The following LAMC1 variants were observed in gnomAD, a reference collection of about 807,000 sequenced individuals.
The protein encoded by LAMC1 is laminin subunit gamma-1.
LAMC1 carries 38 observed loss-of-function variants against 173.6 expected under a neutral mutation model. The observed-to-expected ratio is 0.22, with a 90% CI of 0.17 to 0.29. The LOEUF (loss-of-function observed/expected upper bound fraction) is 0.29. LAMC1 is among the 10% of genes least tolerant of loss of function. The pLI is 1.00. For synonymous variants in LAMC1, 746 were observed against 749.1 expected (o/e 1.00, Z 0.07); for missense variants, 1,824 against 2,051.8 (o/e 0.89, Z 2.14).
intron 18 of LAMC1, among the ~76,000 whole-genome samples, chr1:183,129,503 C>T (rs1031021578): frequency 6.6e-6 from 1 of 152,000 alleles, no homozygotes; most frequent in Non-Finnish European, 1.5e-5. Flanking sequence ...AGCCAAGTTC[C>T]AAGTTGGTTT....
intron 1 of LAMC1, among the ~76,000 whole-genome samples, chr1:183,048,218 T>C (rs756348793): frequency 1.3e-5 from 2 of 152,354 alleles, no homozygotes; most frequent in East Asian, 3.9e-4. Flanking sequence ...CCTTGTTTCT[T>C]CTTACGGAAC....
intron 1 of LAMC1, among the ~76,000 whole-genome samples, chr1:183,086,675 T>C (rs1244565051): frequency 1.3e-5 from 2 of 152,192 alleles, no homozygotes; most frequent in Admixed American, 1.3e-4. Flanking sequence ...TATTATTCAT[T>C]GCAAATTATT....
chr1:183,085,709 A>G (rs576026428), intron 1 of LAMC1, among the ~76,000 whole-genome samples: 1 of 152,210 alleles, frequency 6.6e-6, no homozygotes, highest in Non-Finnish European at 1.5e-5. Context: ...ATTTGTCCTT[A>G]TAGGCTCCGT....
chr1:183,027,572 A>G (rs1653722183), intron 1 of LAMC1, among the ~76,000 whole-genome samples: 1 of 152,186 alleles, frequency 6.6e-6, no homozygotes. Flanking sequence ...TAAGGAAAAG[A>G]GTGCTTATAA....
At chr1:183,121,636 G>T in intron 11 of LAMC1, 87 bp from the exon 12 acceptor site, 1 of 1,140,494 alleles carries the variant, frequency 8.8e-7, no homozygotes, top group South Asian at 1.6e-5. Context: ...GGAATTTGGG[G>T]TCTAGTTACT....
rs1022092895 is a variant in LAMC1, at chr1:183,128,164, G to A, written c.3124-430G>A. On this transcript the variant is annotated intron_variant, in intron 17 of 27. Transcript: ENST00000258341. ...AATAGAGGTAAGAGGTATAATTTTG[G>A]ATGTTAAGTTTGAGATACCTATCAG... 2.6e-5 allele frequency among the ~76,000 whole-genome samples: 4 copies of A among 152,294 alleles called. No individual in the cohort carries two copies. The South Asian group carries it at 8.3e-4, about 32-fold the overall frequency.
intron 25 of LAMC1, among the ~76,000 whole-genome samples, 184 bp from the exon 26 acceptor site, chr1:183,137,485 T>TA (rs1656977741): frequency 9.4e-6 from 1 of 106,814 alleles, no homozygotes; most frequent in South Asian, 3.7e-4. Flanking sequence ...ATGTGGGTAG[T>TA]AATTTTTTTT....
intron 1 of LAMC1, among the ~76,000 whole-genome samples, chr1:183,059,698 G>A (rs1192621670): frequency 2.6e-5 from 4 of 152,108 alleles, no homozygotes; most frequent in Non-Finnish European, 4.4e-5. Flanking sequence ...TTATAAGATA[G>A]GTAAAACAGA....
intron 1 of LAMC1, among the ~76,000 whole-genome samples, chr1:183,046,813 A>G (rs1057412131): frequency 2.0e-5 from 3 of 152,138 alleles, no homozygotes; most frequent in Admixed American, 6.5e-5. Context: ...TTAGAACAAT[A>G]TACAGAATAC....
intron 1 of LAMC1, among the ~76,000 whole-genome samples, chr1:183,043,276 C>T (rs568636132): frequency 2.0e-4 from 31 of 152,142 alleles, no homozygotes; most frequent in Admixed American, 1.7e-3. Context: ...AAAATGTATT[C>T]GTACGAAACA....
At chr1:183,132,918 T>A (rs2102106176) in intron 21 of LAMC1, among the ~76,000 whole-genome samples, 1 of 152,238 alleles carries the variant, frequency 6.6e-6, no homozygotes, top group East Asian at 1.9e-4. Flanking sequence ...CTTTTTTTTG[T>A]TGTTTTTGTG....
At chr1:183,110,363 T>G in intron 3 of LAMC1, 125 bp from the exon 4 acceptor site, 1 of 662,632 alleles carries the variant, frequency 1.5e-6, no homozygotes. Flanking sequence ...TACTTAATCT[T>G]GCTCAGTTCC....
At chr1:183,132,588 A>G (rs1241300857) in intron 21 of LAMC1, 51 bp downstream of exon 21, 2 of 1,441,630 alleles carry the variant, frequency 1.4e-6, no homozygotes, top group Non-Finnish European at 1.9e-6. Flanking sequence ...TCTGGTAAGT[A>G]ACACTAGTTC....
rs568730986 is a variant in LAMC1 at position 183,041,934 on chromosome 1, C to G, written c.418+17800C>G. On this transcript the variant is annotated intron_variant, in intron 1 of 27. Transcript: ENST00000258341. ...GAAACAGCAATTTTGTTTAGGTTTT[C>G]CCATGATGGAATTTGCCTTGTAGAT... is the stretch of plus-strand genomic sequence containing the variant. Among the ~76,000 whole-genome samples, 207 of 152,224 alleles carry G rather than the reference C, an allele frequency of 1.4e-3. 1 individual carries two copies. Among genetic ancestry groups the G allele is most frequent in the Non-Finnish European group, 2.7e-3 (183 of 68,010 alleles).
chr1:183,053,081 C>T (rs1165695901), intron 1 of LAMC1, among the ~76,000 whole-genome samples: 2 of 152,100 alleles, frequency 1.3e-5, no homozygotes, highest in African/African-American at 4.8e-5. Context: ...GGGAGAGATC[C>T]GTCATTCTGA....
intron 1 of LAMC1, among the ~76,000 whole-genome samples, chr1:183,071,881 C>T (rs1655020129): frequency 6.6e-6 from 1 of 152,144 alleles, no homozygotes; most frequent in Non-Finnish European, 1.5e-5. Flanking sequence ...TATATTCTGT[C>T]CAGTTGACGA....
intron 1 of LAMC1, among the ~76,000 whole-genome samples, chr1:183,031,095 T>C (rs1653837170): frequency 6.6e-6 from 1 of 152,198 alleles, no homozygotes; most frequent in African/African-American, 2.4e-5. Context: ...CAATGAAATA[T>C]TTGCTTGTTG....
intron 3 of LAMC1, 113 bp downstream of exon 3, chr1:183,108,519 A>G (rs1656053371): frequency 2.2e-6 from 2 of 915,574 alleles, no homozygotes; most frequent in Admixed American, 5.5e-5. Flanking sequence ...TTCTTTACCA[A>G]GAATAGGAGC....
rs1343619797 is a variant in LAMC1 at position 183,122,248 on chromosome 1, A to G, written c.2398A>G (p.Thr800Ala). Residue 800 changes from threonine to alanine, a missense_variant, in exon 13 of 28, where the codon ACT (threonine) becomes GCT (alanine). Physicochemically the swap from Thr to Ala is moderately conservative, Grantham distance 58 (BLOSUM62 0). Coordinates refer to ENST00000258341, the MANE Select transcript of LAMC1 (RefSeq NM_002293.4). ...VVCTNCPTGT[T>A]GKRCELCDDG... is the part of the protein sequence containing the mutation. ...GTGCACCAACTGTCCTACTGGCACCACTGGTAAGTCTGCTCGCTTCATCTG... is the reference window on the plus strand; with the variant it reads ...GTGCACCAACTGTCCTACTGGCACCGCTGGTAAGTCTGCTCGCTTCATCTG... The G allele has an allele frequency of 1.9e-6, 3 of 1,613,900 alleles. No individual in the cohort carries two copies. Among genetic ancestry groups the G allele is most frequent in the South Asian group, 2.2e-5 (2 of 91,064 alleles).
Sources: gnomAD v4.1 joint callset for allele counts (sites outside exome capture counted in the v4.1 genomes callset) on GRCh38, gnomAD v4.1.1 for gene constraint, MANE v1.5 for transcripts, NCBI Gene and HGNC (gene_info 2026-07-23, HGNC 2026-07-21) for gene names.